The following ZBTB41 variants were observed in gnomAD, a reference collection of about 807,000 sequenced individuals.
ZBTB41 encodes zinc finger and BTB domain containing 41.
In ZBTB41, 42 loss-of-function variants were observed where a neutral mutation model predicts 87.6. The observed-to-expected ratio is 0.48, with a 90% confidence interval of 0.37 to 0.62. ZBTB41 has a LOEUF of 0.62. Among genes scored for constraint, ZBTB41 ranks in the 20% least tolerant of loss-of-function variants. The probability of loss-of-function intolerance (pLI) is 0.00; values close to 1 mark genes in which losing one functional copy is unlikely to be tolerated. For synonymous variants in ZBTB41, 364 were observed against 364.0 expected (o/e 1.00, Z 0.00); for missense variants, 799 against 1,078.9 (o/e 0.74, Z 3.63).
At chr1:197,176,793 T>C in intron 7 of ZBTB41, 123 bp from the exon 8 acceptor site, 1 of 683,000 alleles carries the variant, frequency 1.5e-6, no homozygotes. Flanking sequence ...TCATACATTA[T>C]TGGCTTTATT....
intron 6 of ZBTB41, among the ~76,000 whole-genome samples, chr1:197,179,695 C>A (rs1260854934): frequency 6.6e-6 from 1 of 151,856 alleles, no homozygotes; most frequent in Non-Finnish European, 1.5e-5. Flanking sequence ...ATGATCCTGA[C>A]CCTGTGTAGG....
At chr1:197,183,843 T>C (rs935658275) in intron 5 of ZBTB41, among the ~76,000 whole-genome samples, 23 of 152,208 alleles carry the variant, frequency 1.5e-4, no homozygotes, top group African/African-American at 5.3e-4. Context: ...GAAGAATCTC[T>C]TAACAAGTCA....
intron 2 of ZBTB41, among the ~76,000 whole-genome samples, chr1:197,194,901 G>A (rs1402544809): frequency 2.6e-5 from 4 of 152,194 alleles, no homozygotes; most frequent in South Asian, 4.1e-4. Context: ...ACCCAGAAGA[G>A]CTAGGTAGAT....
chr1:197,157,994 G>A lies in ZBTB41; in HGVS notation c.*1365C>T, dbSNP rs539787411. The A allele has an allele frequency of 3.3e-5, 5 of 152,354 alleles. No individual in the cohort carries two copies. The highest frequency in any genetic ancestry group is 9.6e-5 in the African/African-American group (4 of 41,506). The allele number at this position is 152,354 out of a possible 1,614,324, so 9.4% of individuals were successfully genotyped here. A position where few individuals can be genotyped will look rare whatever the true frequency, so the allele number is the denominator to read the frequency against. ...AAACTGCTATTTTCTACTAGTTTAT[G>A]TACAAATGACATGCTAATAATAAAT... On this transcript the variant is annotated 3_prime_UTR_variant, in exon 11 of 11. Transcript: ENST00000367405.
chr1:197,196,285 A>T (rs1660160100), intron 2 of ZBTB41, among the ~76,000 whole-genome samples: 3 of 152,136 alleles, frequency 2.0e-5, no homozygotes, highest in African/African-American at 7.2e-5. Flanking sequence ...AATAAACTGT[A>T]CTTCTAATAA....
intron 10 of ZBTB41, among the ~76,000 whole-genome samples, chr1:197,165,662 A>C (rs1659325134): frequency 6.6e-6 from 1 of 152,132 alleles, no homozygotes; most frequent in Non-Finnish European, 1.5e-5. Context: ...AAGGTAACTA[A>C]AGCAGTATTT....
Position 197,188,399 on chromosome 1 carries a change from T to C in ZBTB41, c.1439A>G (p.Glu480Gly). The C allele has an allele frequency of 6.2e-7, 1 of 1,613,232 alleles. No individual in the cohort carries two copies. ...ATCTTGAGAATGTAGAATCATATGT[T>C]CCTCCAAGTGTGGTCTTCGAGTAAA... Reference protein sequence around the residue: ...KSFTRRPHLEEHMILHSQDKP... With the variant: ...KSFTRRPHLEGHMILHSQDKP... Residue 480 changes from glutamate (E) to glycine (G), a missense_variant, in exon 5 of 11, where the codon GAA (glutamate) becomes GGA (glycine). By Grantham distance (98) the Glu-to-Gly change is moderately conservative. Around this residue, in one of 5 missense-constraint regions of ZBTB41, gnomAD observed 198 missense variants for 358.4 expected, o/e 0.55. Transcript: ENST00000367405.
At position 197,159,125 on chromosome 1, in the gene ZBTB41, C is replaced by A; in HGVS notation, c.*234G>T. The A allele has an allele frequency of 2.2e-6, 1 of 445,012 alleles. No homozygotes were observed. Among genetic ancestry groups the A allele is most frequent in the Non-Finnish European group, 4.0e-6 (1 of 252,688 alleles). The allele number at this position is 445,012 out of a possible 1,614,324, so 27.6% of individuals were successfully genotyped here. A position where few individuals can be genotyped will look rare whatever the true frequency, so the allele number is the denominator to read the frequency against. On this transcript the variant is annotated 3_prime_UTR_variant, in exon 11 of 11. Coordinates refer to ENST00000367405, the MANE Select transcript of ZBTB41 (RefSeq NM_194314.3). ...AATTTAAGAAACCATTAAAAGTTAG[C>A]ACTAAATAATCTTTAAAAATCACAA...
Position 197,188,188 on chromosome 1 carries a change from A to T in ZBTB41, c.1546+104T>A, listed in dbSNP as rs545855733. On this transcript the variant is annotated intron_variant, in intron 5 of 10. Transcript: ENST00000367405. ...TGTGAACCTAAAACCACTCTTAAAA[A>T]GTCTTTTAGAAGAAAAAGAGTAATT... is the stretch of plus-strand genomic sequence containing the variant. 9 of 1,367,674 alleles carry T rather than the reference A, an allele frequency of 6.6e-6. No homozygotes were observed. The East Asian group carries it at 1.4e-4, about 21-fold the overall frequency. The allele number at this position is 1,367,674 out of a possible 1,614,324, so 84.7% of individuals were successfully genotyped here. A position where few individuals can be genotyped will look rare whatever the true frequency, so the allele number is the denominator to read the frequency against.
chr1:197,162,023 T>TA (rs1458452534), intron 10 of ZBTB41, among the ~76,000 whole-genome samples: 1 of 152,182 alleles, frequency 6.6e-6, no homozygotes, highest in African/African-American at 2.4e-5. Flanking sequence ...TTTTTAAACT[T>TA]AGAATAATCT....
chr1:197,169,223 C>G (rs1284499808), intron 10 of ZBTB41, among the ~76,000 whole-genome samples: 1 of 151,656 alleles, frequency 6.6e-6, no homozygotes, highest in Non-Finnish European at 1.5e-5. Context: ...ATCCTAGGGC[C>G]ATGAATATAT....
At position 197,200,227 on chromosome 1, in the gene ZBTB41, T is replaced by A. The variant is rs759667695; in HGVS notation, c.247A>T (p.Lys83Ter). ...AGTAAATCACAAAAAGATGGTTGCT[T>A]CTGCCTATCATCATTTAAATATTTT... ...LLKYLNDDRQ[K>*]QPSFCDLLII... is the part of the protein sequence containing the mutation. Residue 83 changes from lysine to a stop codon, truncating the protein, a stop_gained, in exon 2 of 11, where the codon AAG (lysine) becomes TAG (stop). Transcript: ENST00000367405. LOFTEE classifies it high-confidence loss of function. 6.2e-7 allele frequency: 1 copy of A among 1,613,200 alleles called. No individual in the cohort carries two copies. The highest frequency in any genetic ancestry group is 8.5e-7 in the Non-Finnish European group (1 of 1,179,812).
chr1:197,171,808 TAATCTG>T (rs1332381030), intron 10 of ZBTB41, among the ~76,000 whole-genome samples: 2 of 151,880 alleles, frequency 1.3e-5, no homozygotes, highest in African/African-American at 4.8e-5. Flanking sequence ...AAAAGGAATT[TAATCTG>T]AAGGCTTAAG....
At chr1:197,198,070 C>G (rs1329013896) in intron 2 of ZBTB41, among the ~76,000 whole-genome samples, 3 of 152,206 alleles carry the variant, frequency 2.0e-5, no homozygotes, top group Non-Finnish European at 4.4e-5. Context: ...AACCCAAAAG[C>G]TGTTCTCACC....
intron 10 of ZBTB41, among the ~76,000 whole-genome samples, chr1:197,169,232 A>G (rs1659422460): frequency 6.6e-6 from 1 of 152,082 alleles, no homozygotes; most frequent in African/African-American, 2.4e-5. Context: ...CCATGAATAT[A>G]TATAAGAGAA....
intron 10 of ZBTB41, among the ~76,000 whole-genome samples, chr1:197,164,029 A>G (rs532002919): frequency 6.6e-6 from 1 of 152,212 alleles, no homozygotes; most frequent in South Asian, 2.1e-4. Flanking sequence ...ATGGTTAAAT[A>G]GCAATAATAT....
At chr1:197,193,598 C>T (rs1209872674) in intron 2 of ZBTB41, among the ~76,000 whole-genome samples, 2 of 152,152 alleles carry the variant, frequency 1.3e-5, no homozygotes, top group Non-Finnish European at 2.9e-5. Flanking sequence ...ACACTTGGCT[C>T]TTTCCCCTTG....
At position 197,190,770 on chromosome 1, in the gene ZBTB41, T is replaced by C; in HGVS notation, c.1390A>G (p.Lys464Glu). The C allele has an allele frequency of 6.3e-7, 1 of 1,586,720 alleles. No individual in the cohort carries two copies. The highest frequency in any genetic ancestry group is 1.1e-5 in the South Asian group (1 of 87,144). ...TAATTAAAAACTCTTACATCACATT[T>C]CCAACTTTCACTCTTAGTCTTCTTA... ...SIKKTKSESW[K>E]CDICKKSFTR... is the part of the protein sequence containing the mutation. The change falls in exon 4 of 11, where the codon AAA becomes GAA. Residue 464 changes from lysine to glutamate, a missense_variant. Around this residue, in one of 5 missense-constraint regions of ZBTB41, gnomAD observed 198 missense variants for 358.4 expected, o/e 0.55. Transcript: ENST00000367405.
chr1:197,194,469 G>T (rs1438160894), intron 2 of ZBTB41, among the ~76,000 whole-genome samples: 2 of 152,036 alleles, frequency 1.3e-5, no homozygotes, highest in Non-Finnish European at 2.9e-5. Flanking sequence ...TTAAAATTGA[G>T]AATTTCTTCT....
Sources: allele counts gnomAD v4.1 joint callset (sites outside exome capture counted in the v4.1 genomes callset), GRCh38; gene constraint gnomAD v4.1.1; regional missense constraint gnomAD v4.1.1; transcripts MANE v1.5; gene names NCBI Gene and HGNC (gene_info 2026-07-23, HGNC 2026-07-21).